ATL2: variants seen among roughly 807,000 people sequenced by gnomAD.
The protein encoded by ATL2 is atlastin GTPase 2, also known as atlastin-2.
A neutral mutation model predicts 73.9 loss-of-function variants in ATL2; 31 were observed. The ratio of observed to expected loss-of-function variants is 0.42; its 90% CI spans 0.32 to 0.57. ATL2 has a LOEUF of 0.57. Among genes scored for constraint, ATL2 ranks in the 20% least tolerant of loss-of-function variants. The pLI, the probability that ATL2 is intolerant of heterozygous loss-of-function variation, is 0.14. For missense variants in ATL2, 738 were observed against 702.6 expected (o/e 1.05, Z -0.57); for synonymous variants, 291 against 237.5 (o/e 1.23, Z -2.07).
intron 4 of ATL2, among the ~76,000 whole-genome samples, chr2:38,316,621 T>G (rs867467482): frequency 3.5e-4 from 54 of 152,146 alleles, no homozygotes; most frequent in Admixed American, 2.0e-4. Flanking sequence ...CTTGGTTATT[T>G]ATACTTTACA....
At chr2:38,367,331 C>T (rs1188791827) in intron 1 of ATL2, among the ~76,000 whole-genome samples, 3 of 151,460 alleles carry the variant, frequency 2.0e-5, no homozygotes, top group African/African-American at 4.8e-5. Context: ...AGGCCGGGCG[C>T]GGTGGCTCAT....
chr2:38,321,805 C>T (rs1269750036), intron 2 of ATL2, among the ~76,000 whole-genome samples: 2 of 152,124 alleles, frequency 1.3e-5, no homozygotes, highest in South Asian at 2.1e-4. Context: ...CTCATCCTCC[C>T]GGACTCAAAG....
chr2:38,310,187 G>A (rs959048587), intron 8 of ATL2, 122 bp downstream of exon 8: 11 of 1,131,416 alleles, frequency 9.7e-6, no homozygotes, highest in Admixed American at 7.9e-5. Flanking sequence ...ACCACAACAT[G>A]AACAATGCAT....
chr2:38,342,791 C>G (rs1669797482), intron 2 of ATL2, among the ~76,000 whole-genome samples: 1 of 152,094 alleles, frequency 6.6e-6, no homozygotes, highest in Non-Finnish European at 1.5e-5. Flanking sequence ...GCCTGGAACA[C>G]AGATGCTCAA....
chr2:38,349,318 A>G (rs977580978), intron 1 of ATL2, among the ~76,000 whole-genome samples: 24 of 151,866 alleles, frequency 1.6e-4, no homozygotes, highest in Non-Finnish European at 3.2e-4. Context: ...TGTGGCACAT[A>G]TACACCATGG....
At chr2:38,308,422 TAGAG>T (rs541346206) in intron 9 of ATL2, among the ~76,000 whole-genome samples, 1 of 152,090 alleles carries the variant, frequency 6.6e-6, no homozygotes, top group African/African-American at 2.4e-5. Flanking sequence ...ACTCATGCGA[TAGAG>T]AGTACTAGAA....
chr2:38,300,290 A>C lies in ATL2; in HGVS notation c.1110T>G (p.His370Gln). ...TCTCTACCTGAAGCATGGACTTTGGATGTGGAAGTTCTTCTCCTTGATAGA... is the reference window on the plus strand; with the variant it reads ...TCTCTACCTGAAGCATGGACTTTGGCTGTGGAAGTTCTTCTCCTTGATAGA... ...IKIYQGEELPHPKSMLQATAE... is the reference protein window; with the variant it reads ...IKIYQGEELPQPKSMLQATAE... The change falls in exon 10 of 13, where the codon CAT (histidine) becomes CAG (glutamine). Residue 370 changes from histidine to glutamine, a missense_variant. Transcript: ENST00000378954. 6 of 1,606,178 alleles carry C rather than the reference A, an allele frequency of 3.7e-6. No homozygotes were observed. Among genetic ancestry groups the C allele is most frequent in the Non-Finnish European group, 4.3e-6 (5 of 1,173,248 alleles).
intron 2 of ATL2, among the ~76,000 whole-genome samples, chr2:38,338,205 G>T (rs935987069): frequency 4.6e-5 from 7 of 152,142 alleles, no homozygotes; most frequent in African/African-American, 1.4e-4. Context: ...AATTAATGCA[G>T]GAACAGAAAA....
intron 1 of ATL2, among the ~76,000 whole-genome samples, chr2:38,370,743 G>C (rs961357531): frequency 5.9e-5 from 9 of 152,132 alleles, no homozygotes; most frequent in Non-Finnish European, 1.2e-4. Flanking sequence ...TCCAGCCTGA[G>C]TGACAGAGCA....
chr2:38,329,423 CAAAAA>C (rs70954711), intron 2 of ATL2, among the ~76,000 whole-genome samples: 55 of 13,670 alleles, frequency 4.0e-3, no homozygotes, highest in South Asian at 0.01. Flanking sequence ...ACTCCATCTC[CAAAAA>C]AAAAAAAAAA....
intron 2 of ATL2, among the ~76,000 whole-genome samples, chr2:38,329,423 C>CAAAAAAA (rs70954711): frequency 1.1e-3 from 15 of 13,668 alleles, no homozygotes; most frequent in East Asian, 2.2e-3. Context: ...ACTCCATCTC[C>CAAAAAAA]AAAAAAAAAA....
Position 38,346,047 on chromosome 2 carries a change from C to G in ATL2, c.119-2535G>C, listed in dbSNP as rs1042419014. Among the ~76,000 whole-genome samples, 4 of 152,236 alleles carry G rather than the reference C, an allele frequency of 2.6e-5. No individual in the cohort carries two copies. In the East Asian group the frequency reaches 7.7e-4, roughly 29 times the overall value. The stretch of plus-strand genomic sequence containing the variant: ...TGCCAAAATGCTATGGTGATTTTCA[C>G]TTGACCAGTGTAGCTGCGTACTGAC... On this transcript the variant is annotated intron_variant, in intron 1 of 12. Transcript: ENST00000378954.
intron 2 of ATL2, among the ~76,000 whole-genome samples, chr2:38,321,285 G>A (rs890674053): frequency 1.3e-5 from 2 of 152,130 alleles, no homozygotes; most frequent in Non-Finnish European, 2.9e-5. Flanking sequence ...CCCATCCCCA[G>A]TAGGCCACCA....
At chr2:38,338,336 A>C (rs565078892) in intron 2 of ATL2, among the ~76,000 whole-genome samples, 1 of 117,034 alleles carries the variant, frequency 8.5e-6, no homozygotes. Flanking sequence ...GCAAGGGTTG[A>C]AAAACTATTG....
intron 1 of ATL2, among the ~76,000 whole-genome samples, chr2:38,347,103 C>T (rs1317480086): frequency 6.6e-6 from 1 of 152,178 alleles, no homozygotes; most frequent in Non-Finnish European, 1.5e-5. Context: ...TGTCTCCCCT[C>T]TTGGATTGCC....
chr2:38,354,125 G>A, intron 1 of ATL2: 1 of 412,270 alleles, frequency 2.4e-6, no homozygotes, highest in Non-Finnish European at 4.8e-6. Flanking sequence ...CCGGGAGGTT[G>A]CAGTAAGCGA....
At chr2:38,346,982 C>A (rs1054923719) in intron 1 of ATL2, among the ~76,000 whole-genome samples, 1 of 152,242 alleles carries the variant, frequency 6.6e-6, no homozygotes, top group Non-Finnish European at 1.5e-5. Context: ...TTAAAAGACA[C>A]TTTCCAGGAA....
At chr2:38,322,557 T>C (rs1260290021) in intron 2 of ATL2, among the ~76,000 whole-genome samples, 1 of 152,194 alleles carries the variant, frequency 6.6e-6, no homozygotes, top group African/African-American at 2.4e-5. Context: ...TTTTTATAAG[T>C]ATAGATGACT....
chr2:38,363,399 A>G (rs1235710073), intron 1 of ATL2, among the ~76,000 whole-genome samples: 3 of 151,322 alleles, frequency 2.0e-5, no homozygotes, highest in African/African-American at 7.3e-5. Context: ...TCATCTTTAT[A>G]ACAAATCTTG....
Sources: gnomAD v4.1 joint callset for allele counts (sites outside exome capture counted in the v4.1 genomes callset) on GRCh38, gnomAD v4.1.1 for gene constraint, MANE v1.5 for transcripts, NCBI Gene and HGNC (gene_info 2026-07-23, HGNC 2026-07-21) for gene names.